The following QARS1 variants were observed in gnomAD, a reference collection of about 807,000 sequenced individuals.
The protein encoded by QARS1 is glutamine--tRNA ligase.
Under a neutral mutation model 106.9 loss-of-function variants are expected in QARS1, and 79 were observed. The observed-to-expected ratio is 0.74, with a 90% CI of 0.62 to 0.89. The LOEUF is 0.89. Among genes scored for constraint, QARS1 ranks in the 40% least tolerant of loss-of-function variants. QARS1 has a pLI of 0.00. For missense variants in QARS1, 966 were observed against 997.2 expected (o/e 0.97, Z 0.42); for synonymous variants, 395 against 367.7 (o/e 1.07, Z -0.85).
Position 49,099,638 on chromosome 3 carries a change from G to C in QARS1, c.1398C>G (p.Ser466=), listed in dbSNP as rs370978363. 9 of 1,614,042 alleles carry C rather than the reference G, an allele frequency of 5.6e-6. No individual in the cohort carries two copies. Among genetic ancestry groups the C allele is most frequent in the Non-Finnish European group, 7.6e-6 (9 of 1,180,028 alleles). ...CTKEFQARRS[S]YFWLCNALDV... ...CCAGTGCATTGCAAAGCCAGAAGTA[G>C]GAAGAGCGTCTGGGGTGGGAGAGTA... Residue 466 remains serine, a synonymous_variant, in exon 16 of 24, where the codon TCC becomes TCG. Coordinates refer to ENST00000306125, the MANE Select transcript of QARS1 (RefSeq NM_005051.3).
At chr3:49,104,520 AG>A in intron 1 of QARS1, 49 bp from the exon 2 acceptor site, 1 of 1,608,620 alleles carries the variant, frequency 6.2e-7, no homozygotes. Context: ...GTGAGAGGAA[AG>A]GGCGGGACAA....
intron 1 of QARS1, 40 bp downstream of exon 1, chr3:49,104,577 C>T: frequency 6.3e-7 from 1 of 1,597,726 alleles, no homozygotes. Flanking sequence ...TGCGTTGCAG[C>T]ATGGTCTGCA....
rs1218036385 is a variant in QARS1 at position 49,098,070 on chromosome 3, G to A, written c.2199C>T (p.Ala733=). Residue 733 remains alanine, a synonymous_variant, in exon 23 of 24, where the codon GCC becomes GCT. Coordinates refer to ENST00000306125, the MANE Select transcript of QARS1 (RefSeq NM_005051.3). The part of the protein sequence containing the change: ...VDAALVDCSV[A]LAKPFDKFQF... ...GGAACTTGTCGAAGGGTTTTGCCAG[G>A]GCCACAGAGCAGTCCACTAATGCTG... The A allele has an allele frequency of 6.2e-7, 1 of 1,614,050 alleles. No individual in the cohort carries two copies. The highest frequency in any genetic ancestry group is 8.5e-7 in the Non-Finnish European group (1 of 1,180,046).
chr3:49,098,896 C>G lies in QARS1; in HGVS notation c.1852G>C (p.Asp618His). ...CCCCCACAATTTACCTCCTTGAAGT[C>G]AGTCCTCTCAATGAAGACAATGGGT... ...FAPIVFIERT[D>H]FKEEPEPGFK... Residue 618 changes from aspartate to histidine, a missense_variant, in exon 19 of 24, where the codon GAC becomes CAC. By Grantham distance (81) the Asp-to-His change is moderately conservative (BLOSUM62 -1). Transcript: ENST00000306125. The G allele has an allele frequency of 6.2e-7, 1 of 1,612,922 alleles. No homozygotes were observed. Among genetic ancestry groups the G allele is most frequent in the South Asian group, 1.1e-5 (1 of 91,016 alleles).
rs1370265763 is a variant in QARS1, at chr3:49,100,650, G to A, written c.901C>T (p.Arg301Cys). Residue 301 changes from arginine to cysteine, a missense_variant, in exon 11 of 24, where the codon CGT (arginine) becomes TGT (cysteine). Physicochemically the swap from Arg to Cys is radical, Grantham distance 180. Coordinates refer to ENST00000306125, the MANE Select transcript of QARS1 (RefSeq NM_005051.3). ...AKANNGICFL[R>C]FDDTNPEKEE... The stretch of plus-strand genomic sequence containing the variant: ...TTCTCAGGGTTGGTGTCATCAAAAC[G>A]CAGAAAACAGATGCCATTGTTGGCC... 6.0e-5 allele frequency: 97 copies of A among 1,606,018 alleles called. No homozygotes were observed. Among genetic ancestry groups the A allele is most frequent in the Non-Finnish European group, 8.2e-5 (96 of 1,172,736 alleles).
chr3:49,101,828 C>A lies in QARS1; in HGVS notation c.703G>T (p.Gly235Cys). The A allele has an allele frequency of 6.2e-7, 1 of 1,612,092 alleles. No individual in the cohort carries two copies. Among genetic ancestry groups the A allele is most frequent in the Non-Finnish European group, 8.5e-7 (1 of 1,178,930 alleles). ...RGEALKFHKPGENYKTPGYVV... is the reference protein window; with the variant it reads ...RGEALKFHKPCENYKTPGYVV... ...CCAGGGTTTTGACATGCCCACTAACCAGGCTTGTGGAACTTAAGGGCCTCC... is the reference window on the plus strand; with the variant it reads ...CCAGGGTTTTGACATGCCCACTAACAAGGCTTGTGGAACTTAAGGGCCTCC... Residue 235 changes from glycine (G) to cysteine (C), a missense_variant and splice_region_variant, in exon 8 of 24, where the codon GGT (glycine) becomes TGT (cysteine). Transcript: ENST00000306125.
chr3:49,098,306 G>T, intron 21 of QARS1, 47 bp downstream of exon 21: 1 of 1,614,166 alleles, frequency 6.2e-7, no homozygotes, highest in South Asian at 1.1e-5. Context: ...GCCATAGCAG[G>T]CAATGTGCAT....
chr3:49,098,851 G>C (rs371414897), intron 19 of QARS1, 34 bp downstream of exon 19: 3 of 1,566,142 alleles, frequency 1.9e-6, no homozygotes, highest in Admixed American at 1.7e-5. Context: ...ACCAGACTCA[G>C]CAGCAAACGG....
intron 4 of QARS1, 43 bp from the exon 5 acceptor site, chr3:49,103,452 G>A (rs758832499): frequency 6.2e-7 from 1 of 1,610,664 alleles, no homozygotes; most frequent in Middle Eastern, 1.7e-4. Flanking sequence ...GCAAAAAAGA[G>A]TACTCCCCCC....
intron 2 of QARS1, 104 bp downstream of exon 2, chr3:49,104,220 T>C (rs182654431): frequency 1.3e-6 from 2 of 1,499,666 alleles, no homozygotes; most frequent in East Asian, 2.3e-5. Flanking sequence ...TGTGCAGAAC[T>C]AGGTGTCTAG....
rs1349950171 is a variant in QARS1, at chr3:49,101,866, T to G, written c.665A>C (p.Glu222Ala). 1.2e-5 allele frequency: 20 copies of G among 1,612,510 alleles called. No individual in the cohort carries two copies. The East Asian group carries it at 4.2e-4, about 34-fold the overall frequency. Residue 222 changes from glutamate to alanine, a missense_variant, in exon 8 of 24, where the codon GAG becomes GCG. By Grantham distance (107) the Glu-to-Ala change is moderately radical (BLOSUM62 -1). Coordinates refer to ENST00000306125, the MANE Select transcript of QARS1 (RefSeq NM_005051.3). ...ETADQTLSLM[E>A]QLRGEALKFH... is the part of the protein sequence containing the mutation. ...CTTAAGGGCCTCCCCCCGGAGCTGC[T>G]CCATCAGAGACAGGGTCTGGTCAGC... is the stretch of plus-strand genomic sequence containing the variant.
chr3:49,099,987 T>C lies in QARS1; in HGVS notation c.1269A>G (p.Thr423=), dbSNP rs779998842. 5 of 1,614,036 alleles carry C rather than the reference T, an allele frequency of 3.1e-6. No homozygotes were observed. In the South Asian group the frequency reaches 3.3e-5, roughly 11 times the overall value. Residue 423 remains threonine, a synonymous_variant, in exon 14 of 24, where the codon ACA becomes ACG. Transcript: ENST00000306125. ...ATTTGTCCCCTGTGCGGTGGTGTGG[T>C]GTATACTTGACTCGATAGGCTACAG... ...MDPVAYRVKY[T]PHHRTGDKWC...
At position 49,102,206 on chromosome 3, in the gene QARS1, A is replaced by G. The variant is rs774469871; in HGVS notation, c.630T>C (p.Asn210=). The G allele has an allele frequency of 3.1e-6, 5 of 1,614,150 alleles. No individual in the cohort carries two copies. The highest frequency in any genetic ancestry group is 4.2e-6 in the Non-Finnish European group (5 of 1,180,018). ...TGACAGGAGTCTCAAGCTTCTCACCATTCTCCACCACATCCTTTGCCGTCC... is the reference window on the plus strand; with the variant it reads ...TGACAGGAGTCTCAAGCTTCTCACCGTTCTCCACCACATCCTTTGCCGTCC... ...DRRTAKDVVE[N]GETADQTLSL... The change falls in exon 7 of 24, where the codon AAT becomes AAC. Residue 210 remains asparagine, a splice_region_variant and synonymous_variant. Coordinates refer to ENST00000306125, the MANE Select transcript of QARS1 (RefSeq NM_005051.3).
intron 18 of QARS1, 30 bp downstream of exon 18, chr3:49,099,080 C>T: frequency 1.2e-6 from 2 of 1,614,098 alleles, no homozygotes; most frequent in Non-Finnish European, 1.7e-6. Flanking sequence ...TACACACACA[C>T]ATGTGACACA....
Position 49,104,677 on chromosome 3 carries a change from C to G in QARS1, c.57G>C (p.Lys19Asn), listed in dbSNP as rs1422878993. 3 of 1,610,946 alleles carry G rather than the reference C, an allele frequency of 1.9e-6. No individual in the cohort carries two copies. In the South Asian group the frequency reaches 3.3e-5, roughly 18 times the overall value. ...LFTSLGLSEQ[K>N]ARETLKNSAL... ...CCGAGTTCTTGAGCGTCTCGCGGGC[C>G]TTCTGCTCGCTCAGGCCGAGGCTAG... is the stretch of plus-strand genomic sequence containing the variant. The change falls in exon 1 of 24, where the codon AAG (lysine) becomes AAC (asparagine). Residue 19 changes from lysine (K) to asparagine (N), a missense_variant. Transcript: ENST00000306125.
In QARS1 at chr3:49,098,270, G is replaced by C. The variant is rs549153964; in HGVS notation, c.2085-12C>G. 1.5e-5 allele frequency: 25 copies of C among 1,614,230 alleles called. No individual in the cohort carries two copies. In the African/African-American group the frequency reaches 3.2e-4, roughly 21 times the overall value. Reference sequence around the variant, plus strand: ...TCTTGTGCTGGAATCTGCAGCCAAAGTGAAGGTCATACCCCCAGCTGGGCA... The same window carrying C: ...TCTTGTGCTGGAATCTGCAGCCAAACTGAAGGTCATACCCCCAGCTGGGCA... On this transcript the variant is annotated splice_polypyrimidine_tract_variant and intron_variant, in intron 21 of 23. Transcript: ENST00000306125.
intron 9 of QARS1, 45 bp from the exon 10 acceptor site, chr3:49,101,486 G>T (rs1490273657): frequency 6.3e-7 from 1 of 1,588,210 alleles, no homozygotes; most frequent in South Asian, 1.1e-5. Flanking sequence ...TCTGAGCTCA[G>T]ATGACCTTAA....
chr3:49,096,798 CAAAAAAAAAAAAAAAAAAAAAAA>C (rs770587253), intron 23 of QARS1, among the ~76,000 whole-genome samples: 1 of 14,154 alleles, frequency 7.1e-5, no homozygotes, highest in Non-Finnish European at 1.1e-4. Context: ...GACTCCGTCT[CAAAAAAAAAAAAAAAAAAAAAAA>C]AAAAAAAAAA....
intron 23 of QARS1, among the ~76,000 whole-genome samples, chr3:49,097,665 A>C (rs1575398245): frequency 1.3e-5 from 2 of 152,030 alleles, no homozygotes; most frequent in South Asian, 4.2e-4. Context: ...GTGTGGTGGC[A>C]GGCGCCTGTA....
Sources: allele counts gnomAD v4.1 joint callset (sites outside exome capture counted in the v4.1 genomes callset), GRCh38; gene constraint gnomAD v4.1.1; transcripts MANE v1.5; gene names NCBI Gene and HGNC (gene_info 2026-07-23, HGNC 2026-07-21).